The following RTKN2 variants were observed in gnomAD, a reference collection of about 807,000 sequenced individuals.
RTKN2 encodes the protein rhotekin 2, also known as rhotekin-2.
RTKN2 carries 69 observed loss-of-function variants against 71.5 expected under a neutral mutation model. The ratio of observed to expected loss-of-function variants is 0.96; its 90% CI spans 0.79 to 1.18. RTKN2 has a LOEUF of 1.18. Ranked by LOEUF, RTKN2 falls within the 50% of genes most tolerant of loss-of-function variation. The pLI is 0.00. For missense variants in RTKN2, 724 were observed against 719.7 expected (o/e 1.01, Z -0.07); for synonymous variants, 236 against 236.5 (o/e 1.00, Z 0.02).
chr10:62,210,209 C>G (rs1841631470), intron 9 of RTKN2, among the ~76,000 whole-genome samples: 1 of 152,136 alleles, frequency 6.6e-6, no homozygotes, highest in African/African-American at 2.4e-5. Context: ...TAAAGACTGC[C>G]TGGATTTTTA....
intron 3 of RTKN2, among the ~76,000 whole-genome samples, chr10:62,244,501 T>C (rs1032455877): frequency 2.3e-4 from 35 of 151,824 alleles, no homozygotes; most frequent in African/African-American, 8.0e-4. Context: ...GAAATGACAA[T>C]AGATGTTGAC....
intron 8 of RTKN2, chr10:62,184,426 G>A (rs1441179666): frequency 8.6e-7 from 1 of 1,156,752 alleles, no homozygotes; most frequent in Non-Finnish European, 1.2e-6. Flanking sequence ...CACCCACAGA[G>A]GTAAAGAGAA....
At position 62,193,498 on chromosome 10, in the gene RTKN2, A is replaced by G. The variant is rs1410963301; in HGVS notation, c.*4410T>C. ...AAAGGTAGTTTGTTTCTCTAAGCAC[A>G]TTGATTAGTAGGCCTCTCTCTGTAA... is the stretch of plus-strand genomic sequence containing the variant. On this transcript the variant is annotated 3_prime_UTR_variant, in exon 12 of 12. Coordinates refer to ENST00000373789, the MANE Select transcript of RTKN2 (RefSeq NM_145307.4). 1.0e-6 allele frequency: 1 copy of G among 982,384 alleles called. No homozygotes were observed. Among genetic ancestry groups the G allele is most frequent in the Non-Finnish European group, 1.2e-6 (1 of 827,178 alleles). 60.9% of individuals were successfully genotyped at this position (982,384 alleles called of 1,614,324 possible). A position where few individuals can be genotyped will look rare whatever the true frequency, so the allele number is the denominator to read the frequency against.
At chr10:62,231,881 C>T (rs1842156135) in intron 6 of RTKN2, among the ~76,000 whole-genome samples, 1 of 152,102 alleles carries the variant, frequency 6.6e-6, no homozygotes, top group Non-Finnish European at 1.5e-5. Context: ...AATTGATCCC[C>T]TTATGCATCC....
chr10:62,188,546 C>T (rs1405045794), downstream of RTKN2, among the ~76,000 whole-genome samples: 1 of 151,990 alleles, frequency 6.6e-6, no homozygotes, highest in East Asian at 1.9e-4. Context: ...TCTAAATCAC[C>T]ATCCTGCTCT....
chr10:62,261,108 T>G (rs1286860100), intron 2 of RTKN2, among the ~76,000 whole-genome samples: 1 of 152,216 alleles, frequency 6.6e-6, no homozygotes, highest in African/African-American at 2.4e-5. Flanking sequence ...TTACCAACTT[T>G]GAGAAGCACT....
intron 2 of RTKN2, among the ~76,000 whole-genome samples, chr10:62,258,098 G>A (rs1203350187): frequency 1.3e-5 from 2 of 152,168 alleles, no homozygotes; most frequent in Non-Finnish European, 2.9e-5. Context: ...TCAGGATTGT[G>A]TGGTTTTAAA....
chr10:62,262,034 G>A (rs1176107906), intron 2 of RTKN2, among the ~76,000 whole-genome samples: 1 of 152,182 alleles, frequency 6.6e-6, no homozygotes, highest in Non-Finnish European at 1.5e-5. Flanking sequence ...TAATCTAAAA[G>A]AACAGCATGA....
chr10:62,234,695 T>C (rs1409035682), intron 6 of RTKN2, among the ~76,000 whole-genome samples: 2 of 152,094 alleles, frequency 1.3e-5, no homozygotes, highest in African/African-American at 4.8e-5. Flanking sequence ...AAGGACACGT[T>C]CTTTGCAAGA....
chr10:62,221,821 A>G (rs1391867118), intron 7 of RTKN2, among the ~76,000 whole-genome samples: 2 of 152,194 alleles, frequency 1.3e-5, no homozygotes, highest in Non-Finnish European at 2.9e-5. Context: ...CAGAGATGGT[A>G]CAGAAAGCAA....
chr10:62,244,477 CAAT>C (rs1842440708), intron 3 of RTKN2, among the ~76,000 whole-genome samples: 1 of 152,098 alleles, frequency 6.6e-6, no homozygotes, highest in African/African-American at 2.4e-5. Flanking sequence ...TTGCTACAAT[CAAT>C]AAACTGTTAT....
At chr10:62,268,439 T>A in intron 1 of RTKN2, 112 bp downstream of exon 1, 1 of 1,050,310 alleles carries the variant, frequency 9.5e-7, no homozygotes, top group Non-Finnish European at 1.4e-6. Flanking sequence ...TGGCCACCGC[T>A]GAAATAGAGG....
At chr10:62,220,538 G>C (rs1841883292) in intron 7 of RTKN2, among the ~76,000 whole-genome samples, 1 of 152,110 alleles carries the variant, frequency 6.6e-6, no homozygotes, top group Non-Finnish European at 1.5e-5. Flanking sequence ...CTGTAAGTTA[G>C]TTGAAAAGTA....
chr10:62,223,280 C>T lies in RTKN2; in HGVS notation c.739G>A (p.Glu247Lys). Residue 247 changes from glutamate (E) to lysine (K), a missense_variant, in exon 7 of 12, where the codon GAG becomes AAG. By Grantham distance (56) the Glu-to-Lys change is moderately conservative (BLOSUM62 1). Coordinates refer to ENST00000373789, the MANE Select transcript of RTKN2 (RefSeq NM_145307.4). ...AHTTLTLESA[E>K]DSFKTHNLSI... ...AGATTATGGGTCTTGAAACTATCCT[C>T]AGCACTTTCCAAGGTTAGGGTAGTG... is the stretch of plus-strand genomic sequence containing the variant. 6 of 1,611,024 alleles carry T rather than the reference C, an allele frequency of 3.7e-6. No homozygotes were observed. Among genetic ancestry groups the T allele is most frequent in the Non-Finnish European group, 5.1e-6 (6 of 1,177,396 alleles).
intron 3 of RTKN2, among the ~76,000 whole-genome samples, 197 bp downstream of exon 3, chr10:62,245,802 T>C (rs563399036): frequency 2.4e-5 from 3 of 126,744 alleles, no homozygotes. Context: ...ATGTAACATA[T>C]GAAACAGTTT....
intron 4 of RTKN2, among the ~76,000 whole-genome samples, chr10:62,240,443 T>C (rs1400785749): frequency 6.6e-6 from 1 of 152,196 alleles, no homozygotes; most frequent in Non-Finnish European, 1.5e-5. Flanking sequence ...AATTCCCACA[T>C]GTATTCCTTT....
At chr10:62,246,650 C>T (rs1842483993) in intron 2 of RTKN2, among the ~76,000 whole-genome samples, 1 of 151,940 alleles carries the variant, frequency 6.6e-6, no homozygotes, top group African/African-American at 2.4e-5. Context: ...GCTCTGTAGA[C>T]AGAATAAAAT....
At chr10:62,200,396 A>G (rs2132807301) in intron 10 of RTKN2, among the ~76,000 whole-genome samples, 1 of 151,624 alleles carries the variant, frequency 6.6e-6, no homozygotes, top group African/African-American at 2.4e-5. Context: ...AGAAAAAAGA[A>G]AAAGAAGTAC....
chr10:62,191,141 C>T (rs941613187), downstream of RTKN2, among the ~76,000 whole-genome samples: 1 of 151,942 alleles, frequency 6.6e-6, no homozygotes, highest in Non-Finnish European at 1.5e-5. Flanking sequence ...CTTCTTAACT[C>T]GTTAGTTTTT....
Sources: allele counts gnomAD v4.1 joint callset (sites outside exome capture counted in the v4.1 genomes callset), GRCh38; gene constraint gnomAD v4.1.1; transcripts MANE v1.5; gene names NCBI Gene and HGNC (gene_info 2026-07-23, HGNC 2026-07-21).